DPP9: variants seen among roughly 807,000 people sequenced by gnomAD.
The protein encoded by DPP9 is dipeptidyl peptidase IV-related protein-2.
DPP9 carries 50 observed loss-of-function variants against 110.7 expected under a neutral mutation model. That is an observed-to-expected ratio of 0.45 (90% confidence interval 0.36 to 0.57). The LOEUF is 0.57. Among genes scored for constraint, DPP9 ranks in the 20% least tolerant of loss-of-function variants. The pLI, the probability that DPP9 is intolerant of heterozygous loss-of-function variation, is 0.00. For missense variants in DPP9, 1,022 were observed against 1,217.9 expected, an observed-to-expected ratio of 0.84 and a Z score of 2.39; for synonymous variants, 561 against 514.4, an observed-to-expected ratio of 1.09 and a Z score of -1.23.
rs1402607158 is a variant in DPP9 at position 4,684,510 on chromosome 19, TAA to T, written c.2178+151_2178+152del. The T allele has an allele frequency of 3.6e-6, 3 of 822,592 alleles. No individual in the cohort carries two copies. The highest frequency in any genetic ancestry group is 5.6e-6 in the Non-Finnish European group (3 of 533,644). 51.0% of individuals were successfully genotyped at this position (822,592 alleles called of 1,614,324 possible). A position where few individuals can be genotyped will look rare whatever the true frequency, so the allele number is the denominator to read the frequency against. ...GCAAAGCATACATCCCCTTTTGTTCTAAAAGGGCGCCTCATTGAGCCTGCGTC... is the reference window on the plus strand; with the variant it reads ...GCAAAGCATACATCCCCTTTTGTTCTAAGGGCGCCTCATTGAGCCTGCGTC... On this transcript the variant is annotated intron_variant, in intron 18 of 21. Transcript: ENST00000262960. This position sits in a 1 kb window ranked among gnomAD's most constrained non-coding sequence, Gnocchi z 4.8.
At chr19:4,697,502 C>T in intron 11 of DPP9, 49 bp downstream of exon 11, 1 of 1,543,096 alleles carries the variant, frequency 6.5e-7, no homozygotes, top group Non-Finnish European at 8.9e-7. Flanking sequence ...CTGCCCAGGG[C>T]CCAGGGCCCT....
rs776525922 is a variant in DPP9, at chr19:4,679,883, G to A, written c.2538C>T (p.Asn846=). ...LDENVHFFHT[N]FLVSQLIRAG... is the part of the protein sequence containing the mutation. ...CTCGGATCAGTTGGGAGACGAGGAA[G>A]TTTGTGTGGAAAAAGTGCACGTTTT... The change falls in exon 21 of 22, where the codon AAC becomes AAT. Residue 846 remains asparagine, a synonymous_variant. Coordinates refer to ENST00000262960, the MANE Select transcript of DPP9 (RefSeq NM_139159.5). 1 of 1,613,628 alleles carries A rather than the reference G, an allele frequency of 6.2e-7. No individual in the cohort carries two copies. The highest frequency in any genetic ancestry group is 8.5e-7 in the Non-Finnish European group (1 of 1,179,816).
chr19:4,713,889 C>T (rs1182650674), intron 4 of DPP9, among the ~76,000 whole-genome samples, 192 bp downstream of exon 4: 3 of 152,160 alleles, frequency 2.0e-5, no homozygotes, highest in East Asian at 1.9e-4. Context: ...CGGGGGCCGC[C>T]CCACCCACCC....
intron 18 of DPP9, chr19:4,683,870 T>C (rs2090289511): frequency 1.4e-6 from 2 of 1,479,766 alleles, no homozygotes; most frequent in African/African-American, 1.4e-5. Context: ...ACGTCCCCTC[T>C]GAGGGCGTCA....
chr19:4,706,058 C>G, intron 4 of DPP9, 88 bp from the exon 5 acceptor site: 1 of 1,186,902 alleles, frequency 8.4e-7, no homozygotes. Flanking sequence ...CAGCTGGTTC[C>G]CTCTGCTTCT....
Position 4,698,924 on chromosome 19 carries a change from C to T in DPP9, c.1075-1273G>A, listed in dbSNP as rs1473559603. 2.6e-5 allele frequency among the ~76,000 whole-genome samples: 4 copies of T among 151,816 alleles called. No individual in the cohort carries two copies. Among genetic ancestry groups the T allele is most frequent in the African/African-American group, 9.7e-5 (4 of 41,308 alleles). On this transcript the variant is annotated intron_variant, in intron 10 of 21. Transcript: ENST00000262960. This position sits in a 1 kb window ranked among gnomAD's most constrained non-coding sequence, Gnocchi z 4.2. The stretch of plus-strand genomic sequence containing the variant: ...CTGTAATCCCAACACTTTGGGAGGC[C>T]GAGGCGGGCGGATCACGAGGTCAGG...
chr19:4,689,061 C>T lies in DPP9; in HGVS notation c.1750-169G>A, dbSNP rs1259109685. Among the ~76,000 whole-genome samples, 1 of 151,384 alleles carries T rather than the reference C, an allele frequency of 6.6e-6. No individual in the cohort carries two copies. The highest frequency in any genetic ancestry group is 2.1e-4 in the South Asian group (1 of 4,816). ...CGCTGCTGCAAGGGGGGCACCACTG[C>T]CATCGCCCCATTCTGCAGAGCAGGA... On this transcript the variant is annotated intron_variant, in intron 15 of 21. Transcript: ENST00000262960. The surrounding 1 kb of genome is among the most constrained non-coding windows in gnomAD (Gnocchi z 7.0).
intron 4 of DPP9, among the ~76,000 whole-genome samples, chr19:4,712,403 G>A (rs1284490505): frequency 6.6e-6 from 1 of 151,950 alleles, no homozygotes; most frequent in Non-Finnish European, 1.5e-5. Context: ...ACAAAAAATT[G>A]TCTGGGCATG....
At chr19:4,699,360 GC>G (rs1418339802) in intron 10 of DPP9, among the ~76,000 whole-genome samples, 6 of 151,886 alleles carry the variant, frequency 4.0e-5, no homozygotes, top group Non-Finnish European at 7.4e-5. Context: ...AGCCTCTTTG[GC>G]CCAGGGCTCT....
rs183310685 is a variant in DPP9 at position 4,689,357 on chromosome 19, C to T, written c.1749+213G>A. Among the ~76,000 whole-genome samples, 1 of 152,334 alleles carries T rather than the reference C, an allele frequency of 6.6e-6. No homozygotes were observed. The highest frequency in any genetic ancestry group is 1.5e-5 in the Non-Finnish European group (1 of 68,010). ...TCAGCGGACGGGCACTGGGGGGCTC[C>T]ACCACTTACTACCCTGGGATTGGTG... On this transcript the variant is annotated intron_variant, in intron 15 of 21. Coordinates refer to ENST00000262960, the MANE Select transcript of DPP9 (RefSeq NM_139159.5). The surrounding 1 kb of genome is among the most constrained non-coding windows in gnomAD (Gnocchi z 7.0).
At position 4,676,915 on chromosome 19, in the gene DPP9, C is replaced by T. The variant is rs1036325288; in HGVS notation, c.2587-259G>A. ...TACAAAACGCCTTGCGGTGTGCACG[C>T]GCTTGCACAGAGGAAAGATTTAGGA... On this transcript the variant is annotated intron_variant, in intron 21 of 21. Transcript: ENST00000262960. This position sits in a 1 kb window ranked among gnomAD's most constrained non-coding sequence, Gnocchi z 4.0. Among the ~76,000 whole-genome samples the T allele has an allele frequency of 1.3e-5, 2 of 152,168 alleles. No individual in the cohort carries two copies. Among genetic ancestry groups the T allele is most frequent in the African/African-American group, 2.4e-5 (1 of 41,434 alleles).
rs1056366390 is a variant in DPP9 at position 4,689,180 on chromosome 19, TGCAA to T, written c.1750-292_1750-289del. Among the ~76,000 whole-genome samples, 12 of 152,340 alleles carry T rather than the reference TGCAA, an allele frequency of 7.9e-5. No individual in the cohort carries two copies. Among genetic ancestry groups the T allele is most frequent in the African/African-American group, 2.9e-4 (12 of 41,572 alleles). ...CGAGGGCTCTGCCACTGCACAGGCC[TGCAA>T]GCTTGCTGGCTCCACAGCTGGCAAA... On this transcript the variant is annotated intron_variant, in intron 15 of 21. Transcript: ENST00000262960. The surrounding 1 kb of genome is among the most constrained non-coding windows in gnomAD (Gnocchi z 7.0).
rs773944472 is a variant in DPP9, at chr19:4,682,797, G to A, written c.2373C>T (p.Tyr791=). The A allele has an allele frequency of 2.6e-5, 41 of 1,597,550 alleles. No homozygotes were observed. Among genetic ancestry groups the A allele is most frequent in the African/African-American group, 1.3e-4 (10 of 74,626 alleles). ...AGAPVTVWMA[Y]DTGYTERYMD... ...TGTAGCGCTCAGTGTACCCTGTGTC[G>A]TAGGCCATCCAGACGGTGACCGGGG... The change falls in exon 20 of 22, where the codon TAC becomes TAT. Residue 791 remains tyrosine, a synonymous_variant. Coordinates refer to ENST00000262960, the MANE Select transcript of DPP9 (RefSeq NM_139159.5). This position sits in a 1 kb window ranked among gnomAD's most constrained non-coding sequence, Gnocchi z 7.1.
chr19:4,678,563 G>A (rs1451248021), intron 21 of DPP9, among the ~76,000 whole-genome samples: 2 of 152,152 alleles, frequency 1.3e-5, no homozygotes, highest in African/African-American at 4.8e-5. Flanking sequence ...CGGGTCTCAG[G>A]CTGGGAAGAG....
intron 2 of DPP9, among the ~76,000 whole-genome samples, chr19:4,721,572 G>A (rs755774520): frequency 6.6e-6 from 1 of 152,190 alleles, no homozygotes; most frequent in Non-Finnish European, 1.5e-5. Context: ...CCTGAGGTCT[G>A]GAGTTCGAGA....
intron 4 of DPP9, among the ~76,000 whole-genome samples, chr19:4,712,989 G>C (rs1237322432): frequency 6.6e-6 from 1 of 152,218 alleles, no homozygotes. Context: ...CCATGGATGA[G>C]TGCAGCGGTC....
intron 20 of DPP9, among the ~76,000 whole-genome samples, chr19:4,681,215 G>A (rs1248785904): frequency 2.6e-5 from 4 of 152,362 alleles, no homozygotes; most frequent in Non-Finnish European, 5.9e-5. Flanking sequence ...TAAGGAATGG[G>A]AACAGGGTTT....
chr19:4,689,223 G>A lies in DPP9; in HGVS notation c.1750-331C>T, dbSNP rs903638169. Among the ~76,000 whole-genome samples, 8 of 152,342 alleles carry A rather than the reference G, an allele frequency of 5.3e-5. No individual in the cohort carries two copies. Among genetic ancestry groups the A allele is most frequent in the Admixed American group, 1.3e-4 (2 of 15,302 alleles). ...ACAGCTGGCAAACTGCAGCTGACTC[G>A]TGCCCTGGACTAGGGGTGGCCCTCT... On this transcript the variant is annotated intron_variant, in intron 15 of 21. Transcript: ENST00000262960. This position sits in a 1 kb window ranked among gnomAD's most constrained non-coding sequence, Gnocchi z 7.0.
At position 4,685,936 on chromosome 19, in the gene DPP9, A is replaced by G. The variant is rs955107793; in HGVS notation, c.1886-165T>C. ...GAAAAAAACGTTTTTTTTTCATTAA[A>G]TAAGATTTGTACAGTTTTTGTAGAG... is the stretch of plus-strand genomic sequence containing the variant. On this transcript the variant is annotated intron_variant, in intron 16 of 21. Transcript: ENST00000262960. The surrounding 1 kb of genome is among the most constrained non-coding windows in gnomAD (Gnocchi z 5.8). 6.7e-6 allele frequency: 5 copies of G among 745,112 alleles called. No individual in the cohort carries two copies. Among genetic ancestry groups the G allele is most frequent in the Non-Finnish European group, 1.0e-5 (5 of 477,186 alleles). The allele number at this position is 745,112 out of a possible 1,614,324, so 46.2% of individuals were successfully genotyped here.
Sources: allele counts gnomAD v4.1 joint callset (sites outside exome capture counted in the v4.1 genomes callset), GRCh38; gene constraint gnomAD v4.1.1; non-coding constraint Gnocchi (gnomAD v3.1); transcripts MANE v1.5; gene names NCBI Gene and HGNC (gene_info 2026-07-23, HGNC 2026-07-21).